TBC1D22A: variants seen among roughly 807,000 people sequenced by gnomAD.
TBC1D22A encodes putative GTPase activator.
In TBC1D22A, 38 loss-of-function variants were observed where a neutral mutation model predicts 60.2. That is an observed-to-expected ratio of 0.63 (90% CI 0.49 to 0.83). The LOEUF (loss-of-function observed/expected upper bound fraction) is 0.83, where lower values mean the gene tolerates loss of function less well. Among genes scored for constraint, TBC1D22A ranks in the 40% least tolerant of loss-of-function variants. TBC1D22A has a pLI of 0.00. For missense variants in TBC1D22A, 628 were observed against 701.0 expected (o/e 0.90, Z 1.18); for synonymous variants, 302 against 281.7 (o/e 1.07, Z -0.72).
At chr22:46,839,094 A>T (rs981282869) in intron 4 of TBC1D22A, among the ~76,000 whole-genome samples, 2 of 152,218 alleles carry the variant, frequency 1.3e-5, no homozygotes, top group Non-Finnish European at 2.9e-5. Flanking sequence ...TACGTAGATA[A>T]CCCTAAGGAC....
At chr22:46,784,756 G>A (rs891650608) in intron 1 of TBC1D22A, among the ~76,000 whole-genome samples, 9 of 152,214 alleles carry the variant, frequency 5.9e-5, no homozygotes, top group Admixed American at 2.6e-4. Context: ...GAATGTAAAC[G>A]TTCATATACA....
At chr22:46,885,334 G>A (rs866063479) in intron 5 of TBC1D22A, among the ~76,000 whole-genome samples, 3 of 152,118 alleles carry the variant, frequency 2.0e-5, no homozygotes, top group South Asian at 4.1e-4. Flanking sequence ...GTTTGCCTTC[G>A]TGTCCATGTG....
intron 12 of TBC1D22A, among the ~76,000 whole-genome samples, chr22:47,171,709 G>A (rs191272926): frequency 2.6e-4 from 39 of 152,346 alleles, no homozygotes; most frequent in African/African-American, 8.9e-4. Context: ...GTGGATGTGG[G>A]CGTGGTCATG....
chr22:47,156,439 T>A (rs34163172), intron 12 of TBC1D22A, among the ~76,000 whole-genome samples: 4 of 152,256 alleles, frequency 2.6e-5, no homozygotes, highest in Admixed American at 2.6e-4. Flanking sequence ...TGCTTGACCC[T>A]GAGCTGTCGC....
At chr22:47,066,307 T>C (rs1287088486) in intron 11 of TBC1D22A, among the ~76,000 whole-genome samples, 1 of 151,374 alleles carries the variant, frequency 6.6e-6, no homozygotes, top group Non-Finnish European at 1.5e-5. Context: ...AATCCTGAAG[T>C]GGGTGGCACC....
At chr22:46,936,040 A>G (rs1344374711) in intron 8 of TBC1D22A, among the ~76,000 whole-genome samples, 1 of 152,244 alleles carries the variant, frequency 6.6e-6, no homozygotes, top group Admixed American at 6.5e-5. Flanking sequence ...TTCTGTCCTC[A>G]TCAGCTTTTG....
At chr22:47,030,656 T>C (rs769343054) in intron 10 of TBC1D22A, among the ~76,000 whole-genome samples, 6 of 152,264 alleles carry the variant, frequency 3.9e-5, no homozygotes, top group Non-Finnish European at 8.8e-5. Flanking sequence ...ACCTGCCTGC[T>C]CATTCATTGT....
intron 4 of TBC1D22A, among the ~76,000 whole-genome samples, chr22:46,825,338 C>A (rs2086007663): frequency 6.6e-6 from 1 of 152,160 alleles, no homozygotes; most frequent in South Asian, 2.1e-4. Context: ...CCCAGCTCCC[C>A]TCACCAGCAC....
Position 47,037,217 on chromosome 22 carries a change from C to A in TBC1D22A, c.1329+19C>A, listed in dbSNP as rs1400912330. ...CTACCAGGTGAGCTCTCCTTCGCAC[C>A]CTCCGCCATGGGGGTGCCAGGAGCC... On this transcript the variant is annotated intron_variant, in intron 11 of 12. Coordinates refer to ENST00000337137, the MANE Select transcript of TBC1D22A (RefSeq NM_014346.5). 6.2e-7 allele frequency: 1 copy of A among 1,611,766 alleles called. No individual in the cohort carries two copies. The highest frequency in any genetic ancestry group is 8.5e-7 in the Non-Finnish European group (1 of 1,179,056).
At chr22:47,087,846 C>T (rs985583620) in intron 11 of TBC1D22A, among the ~76,000 whole-genome samples, 6 of 152,062 alleles carry the variant, frequency 3.9e-5, no homozygotes, top group African/African-American at 9.7e-5. Context: ...AAGGCTGAGG[C>T]GGGCGGATCA....
chr22:47,073,622 C>G (rs2064091836), intron 11 of TBC1D22A, among the ~76,000 whole-genome samples: 2 of 152,174 alleles, frequency 1.3e-5, no homozygotes, highest in Non-Finnish European at 2.9e-5. Flanking sequence ...TAGGACTTCC[C>G]CACTCCGACA....
intron 4 of TBC1D22A, among the ~76,000 whole-genome samples, chr22:46,849,403 T>A (rs1462302026): frequency 6.6e-6 from 1 of 152,226 alleles, no homozygotes; most frequent in Non-Finnish European, 1.5e-5. Context: ...AGTGGAGGCC[T>A]CAGATCCCAT....
chr22:46,962,948 T>C (rs1397350719), intron 8 of TBC1D22A, among the ~76,000 whole-genome samples: 2 of 151,982 alleles, frequency 1.3e-5, no homozygotes, highest in Non-Finnish European at 2.9e-5. Flanking sequence ...GTGCAGTGGC[T>C]CATGCCTGTA....
intron 12 of TBC1D22A, among the ~76,000 whole-genome samples, chr22:47,113,513 C>G (rs1331151385): frequency 6.6e-6 from 1 of 152,150 alleles, no homozygotes; most frequent in Non-Finnish European, 1.5e-5. Context: ...TCATCGTCTC[C>G]AGAAATCACC....
At chr22:46,892,866 G>C (rs1386918904) in intron 6 of TBC1D22A, among the ~76,000 whole-genome samples, 2 of 152,196 alleles carry the variant, frequency 1.3e-5, no homozygotes, top group Non-Finnish European at 2.9e-5. Flanking sequence ...TGAATTCCCA[G>C]ACTATTTCTA....
At position 46,997,753 on chromosome 22, in the gene TBC1D22A, G is replaced by A. The variant is rs763331919; in HGVS notation, c.1201+44G>A. On this transcript the variant is annotated intron_variant, in intron 10 of 12. Coordinates refer to ENST00000337137, the MANE Select transcript of TBC1D22A (RefSeq NM_014346.5). ...CAGCCCCTCTCTGTGGGCGGGGGGAGGTGGCCCTCAGCCCTCGGTGGGACA... is the reference window on the plus strand; with the variant it reads ...CAGCCCCTCTCTGTGGGCGGGGGGAAGTGGCCCTCAGCCCTCGGTGGGACA... 16 of 1,587,320 alleles carry A rather than the reference G, an allele frequency of 1.0e-5. No homozygotes were observed. The East Asian group carries it at 3.6e-4, about 35-fold the overall frequency.
intron 12 of TBC1D22A, among the ~76,000 whole-genome samples, chr22:47,121,830 C>T (rs1020655100): frequency 1.3e-5 from 2 of 151,974 alleles, no homozygotes; most frequent in African/African-American, 4.8e-5. Flanking sequence ...TTGTGAGGTT[C>T]GTGGCTTGGA....
chr22:46,803,399 G>A (rs935487938), intron 4 of TBC1D22A, among the ~76,000 whole-genome samples: 7 of 152,214 alleles, frequency 4.6e-5, no homozygotes, highest in Non-Finnish European at 8.8e-5. Flanking sequence ...CTGAGGAAGG[G>A]CGGCGGTTTT....
chr22:47,082,195 T>G (rs1399574331), intron 11 of TBC1D22A, among the ~76,000 whole-genome samples: 3 of 152,174 alleles, frequency 2.0e-5, no homozygotes, highest in Non-Finnish European at 4.4e-5. Context: ...CAAACTGATT[T>G]TTAAAGTCAG....
Sources: allele counts gnomAD v4.1 joint callset (sites outside exome capture counted in the v4.1 genomes callset), GRCh38; gene constraint gnomAD v4.1.1; transcripts MANE v1.5; gene names NCBI Gene and HGNC (gene_info 2026-07-23, HGNC 2026-07-21).